Variants in GRIK4 observed in about 807,000 individuals in gnomAD.
GRIK4 encodes glutamate receptor ionotropic, kainate 4.
Under a neutral mutation model 104.9 loss-of-function variants are expected in GRIK4, and 40 were observed. The ratio of observed to expected loss-of-function variants is 0.38; its 90% CI spans 0.30 to 0.50. The LOEUF is 0.50. Ranked by LOEUF, GRIK4 falls within the 20% of genes least tolerant of loss-of-function variation. GRIK4 has a pLI of 0.93. For synonymous variants in GRIK4, 485 were observed against 524.9 expected, an observed-to-expected ratio of 0.92 and a Z score of 1.04; for missense variants, 1,047 against 1,308.1, an observed-to-expected ratio of 0.80 and a Z score of 3.08.
intron 11 of GRIK4, among the ~76,000 whole-genome samples, chr11:120,883,003 C>T (rs572793795): frequency 2.0e-5 from 3 of 152,352 alleles, no homozygotes; most frequent in Admixed American, 1.3e-4. Context: ...CCCTAATCCC[C>T]AGCTCCTGCA....
rs1200677851 is a variant in GRIK4, at chr11:120,517,342, C to T, written c.-159+5455C>T. ...GAGGGGCTGTGTGGCCTTAGGCTTC[C>T]GGGAATGGGGTGTCCCAGGCTCCTT... On this transcript the variant is annotated intron_variant, in intron 1 of 20. Coordinates refer to ENST00000527524, the MANE Select transcript of GRIK4 (RefSeq NM_014619.5). Among the ~76,000 whole-genome samples the T allele has an allele frequency of 8.0e-5, 12 of 149,248 alleles. 2 individuals are homozygous for T. The South Asian group carries it at 1.1e-3, about 13-fold the overall frequency.
chr11:120,548,843 C>T (rs1948111738), intron 1 of GRIK4, among the ~76,000 whole-genome samples: 1 of 152,120 alleles, frequency 6.6e-6, no homozygotes, highest in Admixed American at 6.5e-5. Context: ...CAGAAGGGGC[C>T]GAATCTGCAG....
intron 3 of GRIK4, among the ~76,000 whole-genome samples, chr11:120,728,648 A>G (rs1198670415): frequency 6.6e-6 from 1 of 152,164 alleles, no homozygotes; most frequent in Non-Finnish European, 1.5e-5. Context: ...GTAGGTGTAT[A>G]TATTTATGAG....
chr11:120,569,668 T>G (rs1948373049), intron 1 of GRIK4, among the ~76,000 whole-genome samples: 1 of 151,996 alleles, frequency 6.6e-6, no homozygotes. Context: ...GGGAGAAGGG[T>G]AGGGTCATTA....
intron 1 of GRIK4, among the ~76,000 whole-genome samples, chr11:120,556,136 C>T (rs1223009872): frequency 3.3e-5 from 5 of 151,990 alleles, no homozygotes; most frequent in East Asian, 3.9e-4. Context: ...GAGAAGATGG[C>T]GGGGAGTGCT....
chr11:120,600,477 G>A (rs1948870744), intron 1 of GRIK4, among the ~76,000 whole-genome samples: 1 of 152,202 alleles, frequency 6.6e-6, no homozygotes, highest in African/African-American at 2.4e-5. Context: ...CCTGCTCTCT[G>A]GGCCTCCCAG....
intron 18 of GRIK4, among the ~76,000 whole-genome samples, chr11:120,966,861 G>A (rs1400616584): frequency 6.6e-6 from 1 of 152,164 alleles, no homozygotes; most frequent in Non-Finnish European, 1.5e-5. Flanking sequence ...GTGCCCGGCT[G>A]GGGAAGTGGA....
chr11:120,546,971 G>A (rs1948090970), intron 1 of GRIK4, among the ~76,000 whole-genome samples: 1 of 152,246 alleles, frequency 6.6e-6, no homozygotes, highest in Non-Finnish European at 1.5e-5. Flanking sequence ...TCGGGGGGTT[G>A]GCATTGCCTG....
chr11:120,819,845 A>G lies in GRIK4; in HGVS notation c.436A>G (p.Ile146Val). 6.2e-7 allele frequency: 1 copy of G among 1,613,870 alleles called. No individual in the cohort carries two copies. The highest frequency in any genetic ancestry group is 8.5e-7 in the Non-Finnish European group (1 of 1,179,722). ...GAACCTCCACCCCAGCAACACTGAC[A>G]TCAGCGTGGCTGTAGCTGGGATCCT... is the stretch of plus-strand genomic sequence containing the variant. ...TLNLHPSNTD[I>V]SVAVAGILNF... The change falls in exon 6 of 21, where the codon ATC becomes GTC. Residue 146 changes from isoleucine (I) to valine (V), a missense_variant. This residue lies in a region of GRIK4 where 447 missense variants were observed against 514.9 expected (regional missense o/e 0.87). Transcript: ENST00000527524. The surrounding 1 kb of genome is among the most constrained non-coding windows in gnomAD (Gnocchi z 4.3).
chr11:120,878,732 C>A (rs113983969), intron 11 of GRIK4, among the ~76,000 whole-genome samples: 1,656 of 151,706 alleles, frequency 0.011, 25 homozygotes, highest in African/African-American at 0.037. Flanking sequence ...GATGTAGCTT[C>A]GCAGCTTTGG....
intron 8 of GRIK4, among the ~76,000 whole-genome samples, chr11:120,845,139 T>C (rs1953819525): frequency 6.6e-6 from 1 of 152,162 alleles, no homozygotes; most frequent in African/African-American, 2.4e-5. Flanking sequence ...TCTGTCCCAA[T>C]GGCTTGGCAT....
intron 15 of GRIK4, among the ~76,000 whole-genome samples, chr11:120,955,990 G>T (rs1944137880): frequency 6.6e-6 from 1 of 152,056 alleles, no homozygotes; most frequent in African/African-American, 2.4e-5. Context: ...AAGCATTGAG[G>T]CTGGGCCCAG....
chr11:120,972,813 A>G (rs142934170), intron 19 of GRIK4, among the ~76,000 whole-genome samples: 54 of 152,186 alleles, frequency 3.5e-4, no homozygotes, highest in African/African-American at 1.2e-3. Flanking sequence ...ATGGGCTTGT[A>G]CTGTGGTATG....
intron 7 of GRIK4, among the ~76,000 whole-genome samples, chr11:120,833,380 AATGAAGTC>A (rs1953489756): frequency 6.6e-6 from 1 of 152,000 alleles, no homozygotes; most frequent in Non-Finnish European, 1.5e-5. Flanking sequence ...AGCCATGATC[AATGAAGTC>A]ATTAAGGGTA....
At chr11:120,733,856 G>C (rs952861986) in intron 3 of GRIK4, among the ~76,000 whole-genome samples, 8 of 151,502 alleles carry the variant, frequency 5.3e-5, no homozygotes, top group African/African-American at 1.9e-4. Context: ...TCCTGCCTCA[G>C]CCTCCTGAGT....
intron 1 of GRIK4, among the ~76,000 whole-genome samples, chr11:120,598,761 T>C (rs1948840331): frequency 6.6e-6 from 1 of 152,238 alleles, no homozygotes; most frequent in Non-Finnish European, 1.5e-5. Context: ...TAGATGTAGA[T>C]ATCCATTCTT....
intron 1 of GRIK4, among the ~76,000 whole-genome samples, chr11:120,550,966 T>A (rs1194494297): frequency 6.6e-6 from 1 of 151,656 alleles, no homozygotes; most frequent in Non-Finnish European, 1.5e-5. Context: ...CATGCATGAG[T>A]GCACAGTGAA....
At chr11:120,913,215 C>T (rs80045390) in intron 13 of GRIK4, among the ~76,000 whole-genome samples, 2,314 of 152,230 alleles carry the variant, frequency 0.015, 38 homozygotes, top group Middle Eastern at 0.041. Flanking sequence ...TGGCAGCACA[C>T]GGTCTTTCCC....
chr11:120,620,024 T>A, intron 1 of GRIK4: 5 of 550,870 alleles, frequency 9.1e-6, no homozygotes, highest in East Asian at 2.8e-5. Context: ...GTTAGCGTAG[T>A]GAACCTGTGT....
Sources: allele counts gnomAD v4.1 joint callset (sites outside exome capture counted in the v4.1 genomes callset), GRCh38; gene constraint gnomAD v4.1.1; regional missense constraint gnomAD v4.1.1; non-coding constraint Gnocchi (gnomAD v3.1); transcripts MANE v1.5; gene names NCBI Gene and HGNC (gene_info 2026-07-23, HGNC 2026-07-21).